TMCC1: variants seen among roughly 807,000 people sequenced by gnomAD.
TMCC1 encodes the protein transmembrane and coiled-coil domains protein 1.
In TMCC1, 15 loss-of-function variants were observed where a neutral mutation model predicts 52.4. The ratio of observed to expected loss-of-function variants is 0.29; its 90% CI spans 0.19 to 0.44. The LOEUF is 0.44. Ranked by LOEUF, TMCC1 falls within the 20% of genes least tolerant of loss-of-function variation. The probability of loss-of-function intolerance (pLI) is 1.00; values close to 1 mark genes in which losing one functional copy is unlikely to be tolerated. For synonymous variants in TMCC1, 279 were observed against 301.9 expected (o/e 0.92, Z 0.79); for missense variants, 503 against 806.0 (o/e 0.62, Z 4.55).
intron 2 of TMCC1, among the ~76,000 whole-genome samples, chr3:129,839,047 C>T (rs1345613538): frequency 1.3e-5 from 2 of 151,944 alleles, no homozygotes; most frequent in African/African-American, 4.8e-5. Flanking sequence ...GAATTCACTG[C>T]CAGGAGACCC....
chr3:129,875,244 T>C (rs1310337041), intron 2 of TMCC1, among the ~76,000 whole-genome samples: 7 of 150,646 alleles, frequency 4.6e-5, no homozygotes, highest in Non-Finnish European at 8.9e-5. Context: ...ATCCCAGCAC[T>C]GTGGGAGGCT....
chr3:129,649,528 G>C lies in TMCC1; in HGVS notation c.*1953C>G, dbSNP rs2108832058. 6.6e-6 allele frequency: 1 copy of C among 152,614 alleles called. No homozygotes were observed. Among genetic ancestry groups the C allele is most frequent in the East Asian group, 1.9e-4 (1 of 5,170 alleles). The allele number at this position is 152,614 out of a possible 1,614,324, so 9.5% of individuals were successfully genotyped here. A position where few individuals can be genotyped will look rare whatever the true frequency, so the allele number is the denominator to read the frequency against. The stretch of plus-strand genomic sequence containing the variant: ...TGTACTACAATCAGCTGAGGTTGGG[G>C]TGAAGACTGGAGTACCTGAGTTAAA... On this transcript the variant is annotated 3_prime_UTR_variant, in exon 7 of 7. Transcript: ENST00000393238.
intron 2 of TMCC1, among the ~76,000 whole-genome samples, chr3:129,843,239 C>G (rs1366269211): frequency 6.6e-6 from 1 of 151,814 alleles, no homozygotes; most frequent in Non-Finnish European, 1.5e-5. Flanking sequence ...CCCAGCTACT[C>G]AGGAGGCTGA....
intron 4 of TMCC1, among the ~76,000 whole-genome samples, chr3:129,728,760 C>G (rs1276221667): frequency 6.6e-6 from 1 of 152,102 alleles, no homozygotes; most frequent in African/African-American, 2.4e-5. Context: ...CACCACTAAC[C>G]CTTAACTTAT....
At chr3:129,717,789 GTC>G (rs1365470287) in intron 4 of TMCC1, among the ~76,000 whole-genome samples, 3 of 152,170 alleles carry the variant, frequency 2.0e-5, no homozygotes. Flanking sequence ...ATCATATATT[GTC>G]TGAGTTACTA....
intron 2 of TMCC1, among the ~76,000 whole-genome samples, chr3:129,836,617 C>A (rs773271375): frequency 5.0e-4 from 76 of 152,162 alleles, no homozygotes; most frequent in Non-Finnish European, 2.1e-4. Context: ...ATTTATGGAG[C>A]AACAGCTAAG....
intron 4 of TMCC1, among the ~76,000 whole-genome samples, chr3:129,677,484 A>G (rs2088558613): frequency 6.6e-6 from 1 of 152,238 alleles, no homozygotes; most frequent in Middle Eastern, 3.2e-3. Flanking sequence ...AGACAAGCCA[A>G]TGTGACTATA....
chr3:129,829,701 A>G (rs1351688036), intron 3 of TMCC1, among the ~76,000 whole-genome samples: 1 of 152,180 alleles, frequency 6.6e-6, no homozygotes, highest in African/African-American at 2.4e-5. Flanking sequence ...GCCACTACCA[A>G]TGAAGCACCA....
At chr3:129,701,901 A>T (rs933682489) in intron 4 of TMCC1, among the ~76,000 whole-genome samples, 13 of 152,218 alleles carry the variant, frequency 8.5e-5, no homozygotes, top group Non-Finnish European at 1.8e-4. Flanking sequence ...CTTACAAAGC[A>T]ACTGGACAGG....
At chr3:129,654,405 C>T (rs1350182465) in intron 6 of TMCC1, among the ~76,000 whole-genome samples, 2 of 152,340 alleles carry the variant, frequency 1.3e-5, no homozygotes, top group African/African-American at 2.4e-5. Flanking sequence ...TTCTCTGAGA[C>T]TAGTGTCTTT....
rs1024762504 is a variant in TMCC1, at chr3:129,649,918, A to C, written c.*1563T>G. On this transcript the variant is annotated 3_prime_UTR_variant, in exon 7 of 7. Transcript: ENST00000393238. Reference sequence around the variant, plus strand: ...AAGGCAGCTCAGTTCATTTTTCAAAACCATCTATAGAAGTCCACTGAGCAT... The same window carrying C: ...AAGGCAGCTCAGTTCATTTTTCAAACCCATCTATAGAAGTCCACTGAGCAT... 1 of 152,570 alleles carries C rather than the reference A, an allele frequency of 6.6e-6. No individual in the cohort carries two copies. The highest frequency in any genetic ancestry group is 1.5e-5 in the Non-Finnish European group (1 of 68,036). 9.5% of individuals were successfully genotyped at this position (152,570 alleles called of 1,614,324 possible).
intron 4 of TMCC1, among the ~76,000 whole-genome samples, chr3:129,716,502 T>C (rs77068093): frequency 6.9e-5 from 6 of 87,264 alleles, no homozygotes; most frequent in African/African-American, 3.3e-4. Flanking sequence ...ACCCAGCTAA[T>C]TTTTTTTTTT....
At chr3:129,801,775 A>C (rs561685073) in intron 4 of TMCC1, among the ~76,000 whole-genome samples, 1 of 152,328 alleles carries the variant, frequency 6.6e-6, no homozygotes, top group South Asian at 2.1e-4. Flanking sequence ...TCTAGGGTAG[A>C]TGCTAACATA....
At position 129,666,230 on chromosome 3, in the gene TMCC1, A is replaced by G. The variant is rs191660032; in HGVS notation, c.1511+4100T>C. Reference sequence around the variant, plus strand: ...GTGTGGAGAAGAAATGGAAAGGAGAAAAAACTATAAAAAAAGCAGACAAAC... The same window carrying G: ...GTGTGGAGAAGAAATGGAAAGGAGAGAAAACTATAAAAAAAGCAGACAAAC... On this transcript the variant is annotated intron_variant, in intron 5 of 6. Coordinates refer to ENST00000393238, the MANE Select transcript of TMCC1 (RefSeq NM_001017395.5). Among the ~76,000 whole-genome samples, 10 of 152,294 alleles carry G rather than the reference A, an allele frequency of 6.6e-5. No individual in the cohort carries two copies. In the East Asian group the frequency reaches 1.9e-3, roughly 29 times the overall value.
chr3:129,711,111 G>A (rs1250695120), intron 4 of TMCC1, among the ~76,000 whole-genome samples: 8 of 152,110 alleles, frequency 5.3e-5, no homozygotes, highest in African/African-American at 1.4e-4. Flanking sequence ...TGATCCGCCC[G>A]CCTCAGCCTC....
intron 4 of TMCC1, among the ~76,000 whole-genome samples, chr3:129,690,152 T>C (rs774296061): frequency 1.3e-5 from 2 of 152,234 alleles, no homozygotes; most frequent in African/African-American, 2.4e-5. Context: ...AAAAAATATA[T>C]GTACAAGTAT....
At chr3:129,881,348 G>A (rs1345334937) in intron 1 of TMCC1, among the ~76,000 whole-genome samples, 1 of 152,030 alleles carries the variant, frequency 6.6e-6, no homozygotes, top group East Asian at 1.9e-4. Flanking sequence ...GTTTTTTGTA[G>A]CAAAATCATG....
chr3:129,719,615 G>A (rs536645433), intron 4 of TMCC1, among the ~76,000 whole-genome samples: 1 of 152,300 alleles, frequency 6.6e-6, no homozygotes, highest in African/African-American at 2.4e-5. Context: ...GACAGAGTCA[G>A]AATTGAATTG....
intron 4 of TMCC1, among the ~76,000 whole-genome samples, chr3:129,683,126 C>T (rs967296693): frequency 7.9e-5 from 12 of 152,258 alleles, no homozygotes; most frequent in Admixed American, 2.0e-4. Flanking sequence ...TGAGCCACTA[C>T]GCCCGGCCCT....
Sources: allele counts gnomAD v4.1 joint callset (sites outside exome capture counted in the v4.1 genomes callset), GRCh38; gene constraint gnomAD v4.1.1; transcripts MANE v1.5; gene names NCBI Gene and HGNC (gene_info 2026-07-23, HGNC 2026-07-21).